Variants in PASD1 observed in about 807,000 individuals in gnomAD.
PASD1 encodes circadian clock protein PASD1.
A neutral mutation model predicts 58.8 loss-of-function variants in PASD1; 13 were observed. The observed-to-expected ratio is 0.22, with a 90% confidence interval of 0.14 to 0.35. PASD1 has a LOEUF of 0.35. PASD1 is among the 10% of genes least tolerant of loss of function. The pLI is 1.00. For synonymous variants in PASD1, 236 were observed against 216.7 expected, an observed-to-expected ratio of 1.09 and a Z score of -0.78; for missense variants, 734 against 568.3, an observed-to-expected ratio of 1.29 and a Z score of -2.96.
rs1259619940 is a variant in PASD1 at position 151,601,697 on chromosome X, A to G, written c.28+116A>G. ...AGGGAAGCCTGATTCACTCAGAGAA[A>G]TGTGGTTTCTCCAGTGTTTTTTTTT... On this transcript the variant is annotated intron_variant, in intron 2 of 15. Coordinates refer to ENST00000370357, the MANE Select transcript of PASD1 (RefSeq NM_173493.3). 4.0e-6 allele frequency: 3 copies of G among 747,329 alleles called. No homozygotes were observed. The African/African-American group carries it at 6.3e-5, about 16-fold the overall frequency. The allele number at this position is 747,329 out of a possible 1,213,427, so 61.6% of individuals were successfully genotyped here.
rs1429086288 is a variant in PASD1 at position 151,671,641 on chromosome X, A to G, written c.1299A>G (p.Lys433=). 3 of 1,209,640 alleles carry G rather than the reference A, an allele frequency of 2.5e-6. No homozygotes were observed. The African/African-American group carries it at 5.2e-5, about 21-fold the overall frequency. The change falls in exon 13 of 16, where the codon AAA becomes AAG. Residue 433 remains lysine (K), a synonymous_variant. Transcript: ENST00000370357. ...AATCTTCGGAGGCAGTGCCCAAGAA[A>G]CAACAGAAACAACACGCTGGGCAAG... The part of the protein sequence containing the change: ...DLQSSEAVPK[K]QQKQHAGQVK...
chrX:151,587,975 A>G lies in PASD1; in HGVS notation c.-27-13552A>G, dbSNP rs182309144. Among the ~76,000 whole-genome samples, 3 of 112,299 alleles carry G rather than the reference A, an allele frequency of 2.7e-5. No individual in the cohort carries two copies. In the East Asian group the frequency reaches 8.4e-4, roughly 31 times the overall value. On this transcript the variant is annotated intron_variant, in intron 1 of 15. Transcript: ENST00000370357. ...TTCCACTGACTTGGTTGATATGTTT[A>G]TATCATACACATTTAACATCATTAC...
intron 4 of PASD1, among the ~76,000 whole-genome samples, chrX:151,617,648 G>A (rs776406089): frequency 8.9e-6 from 1 of 111,921 alleles, no homozygotes; most frequent in East Asian, 2.8e-4. Context: ...ATCTTATTCA[G>A]TGAATTACTT....
intron 8 of PASD1, among the ~76,000 whole-genome samples, chrX:151,635,397 G>GAT (rs1297629548): frequency 4.5e-5 from 5 of 111,476 alleles, no homozygotes; most frequent in Non-Finnish European, 7.5e-5. Flanking sequence ...TACATATAAA[G>GAT]ATACATATCT....
rs1039333581 is a variant in PASD1 at position 151,594,004 on chromosome X, C to T, written c.-27-7523C>T. 4.5e-5 allele frequency among the ~76,000 whole-genome samples: 5 copies of T among 111,678 alleles called. No individual in the cohort carries two copies. In the East Asian group the frequency reaches 8.5e-4, roughly 19 times the overall value. ...TTATTATTATTTTGAGACGGAGTCT[C>T]ACTCTGTCACCCAGGCTGGAATGCA... On this transcript the variant is annotated intron_variant, in intron 1 of 15. Coordinates refer to ENST00000370357, the MANE Select transcript of PASD1 (RefSeq NM_173493.3).
Position 151,648,713 on chromosome X carries a change from T to G in PASD1, c.717+11T>G, listed in dbSNP as rs754534226. 5.0e-6 allele frequency: 6 copies of G among 1,207,597 alleles called. No individual in the cohort carries two copies. The Admixed American group carries it at 1.3e-4, about 26-fold the overall frequency. ...GCTGCTATCTCAGACGTATGTACAT[T>G]GAGGACCATAGACTACAATCTTAGA... On this transcript the variant is annotated intron_variant, in intron 9 of 15. Coordinates refer to ENST00000370357, the MANE Select transcript of PASD1 (RefSeq NM_173493.3).
chrX:151,642,311 G>A (rs1242465732), intron 8 of PASD1, among the ~76,000 whole-genome samples: 1 of 111,752 alleles, frequency 8.9e-6, no homozygotes, highest in Non-Finnish European at 1.9e-5. Flanking sequence ...TAAAAAAACA[G>A]GCTGCTGCTG....
rs755584065 is a variant in PASD1, at chrX:151,572,797, A to G, written c.-28+8958A>G. On this transcript the variant is annotated intron_variant, in intron 1 of 15. Coordinates refer to ENST00000370357, the MANE Select transcript of PASD1 (RefSeq NM_173493.3). ...TATACGAACAGGAATGGCTATCTCC[A>G]TATTAAGTCATCTGTATAAGTTCGT... 7.4e-5 allele frequency among the ~76,000 whole-genome samples: 8 copies of G among 108,205 alleles called. No homozygotes were observed. The South Asian group carries it at 3.4e-3, about 45-fold the overall frequency. 94.0% of individuals were successfully genotyped at this position (108,205 alleles called of 115,157 possible).
At chrX:151,586,031 AC>A (rs771958100) in intron 1 of PASD1, among the ~76,000 whole-genome samples, 1 of 111,583 alleles carries the variant, frequency 9.0e-6, no homozygotes, top group Admixed American at 9.5e-5. Flanking sequence ...ACTCAGTTTG[AC>A]CATGGAAGAG....
chrX:151,630,939 T>C (rs1044072803), intron 8 of PASD1, among the ~76,000 whole-genome samples: 1 of 111,779 alleles, frequency 8.9e-6, no homozygotes. Context: ...AAGTCTTGCT[T>C]TCTTGGACTA....
intron 8 of PASD1, among the ~76,000 whole-genome samples, chrX:151,634,373 C>A (rs1318482585): frequency 9.0e-6 from 1 of 110,971 alleles, no homozygotes; most frequent in East Asian, 2.8e-4. Context: ...TTCCTATGTT[C>A]AAGTTTATTA....
At chrX:151,590,608 TCTCA>T (rs1051859066) in intron 1 of PASD1, among the ~76,000 whole-genome samples, 5 of 111,704 alleles carry the variant, frequency 4.5e-5, no homozygotes, top group African/African-American at 1.3e-4. Flanking sequence ...TTTGAGATGG[TCTCA>T]CTCTGTCGCC....
At chrX:151,630,640 A>G (rs2013855433) in intron 8 of PASD1, among the ~76,000 whole-genome samples, 1 of 112,367 alleles carries the variant, frequency 8.9e-6, no homozygotes, top group Non-Finnish European at 1.9e-5. Flanking sequence ...GGATAGTTAG[A>G]AAAGCAATTG....
intron 11 of PASD1, among the ~76,000 whole-genome samples, chrX:151,667,058 C>G (rs768326283): frequency 9.0e-6 from 1 of 111,420 alleles, no homozygotes; most frequent in African/African-American, 3.3e-5. Context: ...TGTTTCCTGA[C>G]TTTTTAATGA....
chrX:151,600,020 C>T (rs940550869), intron 1 of PASD1, among the ~76,000 whole-genome samples: 2 of 112,216 alleles, frequency 1.8e-5, no homozygotes, highest in African/African-American at 3.2e-5. Flanking sequence ...CCCGGCACCT[C>T]GGGACGCCGA....
chrX:151,607,305 A>G (rs1399257419), intron 3 of PASD1, among the ~76,000 whole-genome samples: 1 of 112,122 alleles, frequency 8.9e-6, no homozygotes, highest in African/African-American at 3.2e-5. Flanking sequence ...ACTCTAGTGC[A>G]TTCATTTTTA....
rs1362497997 is a variant in PASD1, at chrX:151,625,491, C to T, written c.590C>T (p.Thr197Ile). Residue 197 changes from threonine (T) to isoleucine (I), a missense_variant, in exon 8 of 16, where the codon ACA (threonine) becomes ATA (isoleucine). Transcript: ENST00000370357. ...GCAGTCAGTGATGAAGCTGTACTTACACAAGATTCAGATGAGGAACCTTTT... is the reference window on the plus strand; with the variant it reads ...GCAGTCAGTGATGAAGCTGTACTTATACAAGATTCAGATGAGGAACCTTTT... ...SKAVSDEAVL[T>I]QDSDEEPFVG... 4.5e-5 allele frequency: 54 copies of T among 1,207,820 alleles called. No individual in the cohort carries two copies. The highest frequency in any genetic ancestry group is 5.7e-5 in the Non-Finnish European group (51 of 893,788).
At chrX:151,662,100 A>C (rs1286284411) in intron 10 of PASD1, among the ~76,000 whole-genome samples, 2 of 112,136 alleles carry the variant, frequency 1.8e-5, no homozygotes, top group Non-Finnish European at 3.8e-5. Flanking sequence ...TCATCAGTGG[A>C]ATTGGCCTAC....
At chrX:151,601,406 A>T (rs368390994) in intron 1 of PASD1, 121 bp from the exon 2 acceptor site, 12 of 480,278 alleles carry the variant, frequency 2.5e-5, no homozygotes, top group East Asian at 1.1e-4. Context: ...TCTTTAAAAG[A>T]AGTAGACATT....
Sources: gnomAD v4.1 joint callset for allele counts (sites outside exome capture counted in the v4.1 genomes callset) on GRCh38, gnomAD v4.1.1 for gene constraint, MANE v1.5 for transcripts, NCBI Gene and HGNC (gene_info 2026-07-23, HGNC 2026-07-21) for gene names.